Variants in NRXN1 observed in about 807,000 individuals in gnomAD.
NRXN1 encodes the protein neurexin 1.
A neutral mutation model predicts 150.9 loss-of-function variants in NRXN1; 39 were observed. The observed-to-expected ratio is 0.26, with a 90% CI of 0.20 to 0.34. The LOEUF (loss-of-function observed/expected upper bound fraction) is 0.34. NRXN1 is among the 10% of genes least tolerant of loss of function. The pLI is 1.00. For missense variants in NRXN1, 1,815 were observed against 1,949.9 expected (o/e 0.93, Z 1.30); for synonymous variants, 924 against 757.0 (o/e 1.22, Z -3.62).
chr2:50,133,635 A>G (rs1012603638), intron 18 of NRXN1, among the ~76,000 whole-genome samples: 2 of 152,228 alleles, frequency 1.3e-5, no homozygotes, highest in African/African-American at 4.8e-5. Flanking sequence ...AATTAAAGCC[A>G]CAGACAAGGG....
intron 8 of NRXN1, among the ~76,000 whole-genome samples, chr2:50,588,389 C>G (rs72884071): frequency 0.022 from 3,390 of 152,082 alleles, 110 homozygotes; most frequent in African/African-American, 0.076. Context: ...AGATTCTGCA[C>G]CTCATGAAAT....
chr2:50,373,690 GGAAAGAAAGAAA>G (rs70948706), intron 17 of NRXN1, among the ~76,000 whole-genome samples: 1 of 91,676 alleles, frequency 1.1e-5, no homozygotes, highest in African/African-American at 4.9e-5. Context: ...AAAGAAAGAA[GGAAAGAAAGAAA>G]GAAAGAAAGA....
At chr2:50,129,903 G>A (rs983197393) in intron 18 of NRXN1, among the ~76,000 whole-genome samples, 3 of 152,154 alleles carry the variant, frequency 2.0e-5, no homozygotes, top group Non-Finnish European at 2.9e-5. Flanking sequence ...AATTACAGTT[G>A]AAAGTTAAGT....
In NRXN1 at chr2:50,565,430, C is replaced by T. The variant is rs1378738792; in HGVS notation, c.1321-12405G>A. Among the ~76,000 whole-genome samples the T allele has an allele frequency of 2.0e-5, 3 of 152,016 alleles. No homozygotes were observed. The South Asian group carries it at 6.2e-4, about 32-fold the overall frequency. On this transcript the variant is annotated intron_variant, in intron 8 of 22. Transcript: ENST00000401669. ...TATTTTTAAATGACCATAGCAGTCA[C>T]TGAGCATCCTAGACCAAGTATCCAG... is the stretch of plus-strand genomic sequence containing the variant.
intron 5 of NRXN1, among the ~76,000 whole-genome samples, chr2:50,844,212 C>T (rs1309869551): frequency 6.6e-6 from 1 of 152,128 alleles, no homozygotes; most frequent in East Asian, 1.9e-4. Flanking sequence ...TAAGTCCTTC[C>T]CCCAGTTCCT....
intron 2 of NRXN1, among the ~76,000 whole-genome samples, chr2:50,955,304 T>C (rs930489023): frequency 6.6e-6 from 1 of 152,276 alleles, no homozygotes; most frequent in East Asian, 1.9e-4. Flanking sequence ...TGGCCCTGAC[T>C]GTCACCAGCT....
In NRXN1 at chr2:50,263,614, A is replaced by C. The variant is rs368808609; in HGVS notation, c.3365-26644T>G. Among the ~76,000 whole-genome samples the C allele has an allele frequency of 3.3e-4, 50 of 152,272 alleles. 8 individuals are homozygous for C. Among genetic ancestry groups the C allele is most frequent in the Admixed American group, 2.8e-3 (43 of 15,266 alleles). On this transcript the variant is annotated intron_variant, in intron 17 of 22. Transcript: ENST00000401669. The stretch of plus-strand genomic sequence containing the variant: ...CAAAATTAAAAACATAGGGACTTAA[A>C]ACAGGTGAGAAAATTTTTAAGTGAT...
chr2:51,006,333 G>A (rs904226091), intron 2 of NRXN1, among the ~76,000 whole-genome samples: 2 of 147,002 alleles, frequency 1.4e-5, no homozygotes, highest in African/African-American at 5.0e-5. Context: ...CTCATAGGTG[G>A]GAATTGAACA....
At chr2:50,357,533 C>T (rs1000494337) in intron 17 of NRXN1, among the ~76,000 whole-genome samples, 15 of 151,960 alleles carry the variant, frequency 9.9e-5, no homozygotes, top group African/African-American at 2.7e-4. Context: ...ATCTCGAACT[C>T]CCAACCTCAG....
At chr2:50,392,877 G>A (rs1489631917) in intron 17 of NRXN1, among the ~76,000 whole-genome samples, 2 of 152,074 alleles carry the variant, frequency 1.3e-5, no homozygotes, top group Admixed American at 6.6e-5. Context: ...CTAGCTACCA[G>A]GGAGGGTAAG....
chr2:50,591,338 A>T (rs1450829051), intron 8 of NRXN1, among the ~76,000 whole-genome samples: 1 of 152,086 alleles, frequency 6.6e-6, no homozygotes, highest in African/African-American at 2.4e-5. Flanking sequence ...CTGCCTCTTC[A>T]TAATTAGGAC....
chr2:50,347,568 A>T lies in NRXN1; in HGVS notation c.3365-110598T>A. ...GGCAGCGCGCGGAGCAGCGGCGCGC[A>T]TCGCCTGCTCCCGAGGCAATCTCCG... On this transcript the variant is annotated intron_variant, in intron 17 of 22. Transcript: ENST00000401669. The surrounding 1 kb of genome is among the most constrained non-coding windows in gnomAD (Gnocchi z 4.9). The T allele has an allele frequency of 9.8e-7, 1 of 1,017,870 alleles. No homozygotes were observed. Among genetic ancestry groups the T allele is most frequent in the Non-Finnish European group, 1.2e-6 (1 of 849,454 alleles). The allele number at this position is 1,017,870 out of a possible 1,614,324, so 63.1% of individuals were successfully genotyped here. A position where few individuals can be genotyped will look rare whatever the true frequency, so the allele number is the denominator to read the frequency against.
chr2:50,517,126 G>C (rs1364476724), intron 12 of NRXN1, among the ~76,000 whole-genome samples: 1 of 152,072 alleles, frequency 6.6e-6, no homozygotes, highest in African/African-American at 2.4e-5. Flanking sequence ...GCTAATACTA[G>C]AAACAATGTA....
intron 5 of NRXN1, among the ~76,000 whole-genome samples, chr2:50,884,880 G>T (rs1177256396): frequency 6.6e-6 from 1 of 151,406 alleles, no homozygotes; most frequent in Non-Finnish European, 1.5e-5. Context: ...AGCAATTGAA[G>T]GGGGAGGGAG....
chr2:50,118,080 A>G (rs1703316267), intron 18 of NRXN1, among the ~76,000 whole-genome samples: 1 of 152,206 alleles, frequency 6.6e-6, no homozygotes, highest in Non-Finnish European at 1.5e-5. Context: ...ATGTGAAGGT[A>G]AAGGTGTTTA....
intron 12 of NRXN1, among the ~76,000 whole-genome samples, chr2:50,518,638 G>T (rs1404363662): frequency 2.2e-5 from 2 of 92,184 alleles, no homozygotes; most frequent in Non-Finnish European, 4.4e-5. Flanking sequence ...ATGGATTATA[G>T]TCACAAATGC....
intron 5 of NRXN1, among the ~76,000 whole-genome samples, chr2:50,908,892 A>T (rs1377081775): frequency 1.3e-5 from 2 of 152,006 alleles, no homozygotes. Context: ...ACATGTTATG[A>T]TGCAGCAAGA....
intron 18 of NRXN1, among the ~76,000 whole-genome samples, chr2:50,092,864 T>C (rs1410783100): frequency 1.3e-5 from 2 of 152,192 alleles, no homozygotes; most frequent in East Asian, 1.9e-4. Flanking sequence ...GCTTACAATT[T>C]TTTTTGGTTT....
chr2:50,535,735 T>C (rs2105240705), intron 10 of NRXN1, among the ~76,000 whole-genome samples: 1 of 152,332 alleles, frequency 6.6e-6, no homozygotes, highest in Non-Finnish European at 1.5e-5. Flanking sequence ...CTTGTCTGCC[T>C]AAGTTAGCAA....
Sources: allele counts gnomAD v4.1 joint callset (sites outside exome capture counted in the v4.1 genomes callset), GRCh38; gene constraint gnomAD v4.1.1; non-coding constraint Gnocchi (gnomAD v3.1); transcripts MANE v1.5; gene names NCBI Gene and HGNC (gene_info 2026-07-23, HGNC 2026-07-21).